The following RAB28 variants were observed in gnomAD, a reference collection of about 807,000 sequenced individuals.
RAB28 encodes the protein RAB28, member RAS oncogene family.
RAB28 carries 24 observed loss-of-function variants against 31.7 expected under a neutral mutation model. The ratio of observed to expected loss-of-function variants is 0.76; its 90% CI spans 0.55 to 1.06. RAB28 has a LOEUF of 1.06. Ranked by LOEUF, RAB28 falls within the 50% of genes least tolerant of loss-of-function variation. The pLI is 0.00. For missense variants in RAB28, 254 were observed against 258.5 expected, an observed-to-expected ratio of 0.98 and a Z score of 0.12; for synonymous variants, 100 against 90.4, an observed-to-expected ratio of 1.11 and a Z score of -0.60.
intron 4 of RAB28, among the ~76,000 whole-genome samples, chr4:13,398,412 C>T (rs929810476): frequency 2.0e-5 from 3 of 151,902 alleles, no homozygotes; most frequent in Non-Finnish European, 4.4e-5. Flanking sequence ...CATAGAATTG[C>T]ATAAAAAAAA....
At chr4:13,448,340 T>C (rs1339188859) in intron 4 of RAB28, among the ~76,000 whole-genome samples, 4 of 152,094 alleles carry the variant, frequency 2.6e-5, no homozygotes, top group Non-Finnish European at 5.9e-5. Context: ...ATAAGATGAA[T>C]TATGCTTTTA....
chr4:13,479,398 A>G (rs1000363467), intron 2 of RAB28, 32 bp downstream of exon 2: 1 of 1,471,856 alleles, frequency 6.8e-7, no homozygotes, highest in Non-Finnish European at 9.4e-7. Flanking sequence ...TTTTTTTATA[A>G]TCTTCTACGT....
intron 4 of RAB28, among the ~76,000 whole-genome samples, chr4:13,412,753 G>C (rs1171882242): frequency 6.6e-6 from 1 of 152,084 alleles, no homozygotes; most frequent in Non-Finnish European, 1.5e-5. Flanking sequence ...GCAAATGAAA[G>C]TTGTGACTAA....
At chr4:13,407,300 A>G (rs555800726) in intron 4 of RAB28, among the ~76,000 whole-genome samples, 1 of 152,330 alleles carries the variant, frequency 6.6e-6, no homozygotes, top group South Asian at 2.1e-4. Context: ...CAGGTTTCTC[A>G]AAGATCAGAT....
chr4:13,484,137 T>C lies in RAB28; in HGVS notation c.14A>G (p.Glu5Gly), dbSNP rs2108982206. 6.3e-7 allele frequency: 1 copy of C among 1,590,726 alleles called. No homozygotes were observed. The highest frequency in any genetic ancestry group is 8.6e-7 in the Non-Finnish European group (1 of 1,168,636). MSDS[E>G]EESQDRQLKI... ...CAGTTGCCGGTCCTGGCTCTCCTCC[T>C]CAGAGTCCGACATGGTGTCCCGGGA... The change falls in exon 1 of 7, where the codon GAG becomes GGG. Residue 5 changes from glutamate to glycine, a missense_variant. Physicochemically the swap from Glu to Gly is moderately conservative, Grantham distance 98. Transcript: ENST00000330852.
chr4:13,390,607 T>C (rs1336403074), intron 4 of RAB28, among the ~76,000 whole-genome samples: 4 of 141,298 alleles, frequency 2.8e-5, no homozygotes, highest in South Asian at 2.2e-4. Context: ...AAAGCCTGCA[T>C]GCAAAAAGAA....
intron 4 of RAB28, among the ~76,000 whole-genome samples, chr4:13,447,166 C>A (rs1714743419): frequency 6.6e-6 from 1 of 152,152 alleles, no homozygotes; most frequent in East Asian, 1.9e-4. Context: ...CGAAAGCCTC[C>A]TATCTGGTCT....
intron 3 of RAB28, among the ~76,000 whole-genome samples, chr4:13,461,793 C>A (rs79278940): frequency 0.037 from 5,678 of 152,230 alleles, 164 homozygotes; most frequent in Non-Finnish European, 0.061. Flanking sequence ...AGCCCGGACC[C>A]TAATGGCATT....
At chr4:13,387,338 T>C (rs1004178131) in intron 4 of RAB28, among the ~76,000 whole-genome samples, 5 of 152,086 alleles carry the variant, frequency 3.3e-5, no homozygotes, top group Non-Finnish European at 5.9e-5. Flanking sequence ...ATCTCACATG[T>C]AATCAAATAG....
In RAB28 at chr4:13,484,258, G is replaced by A; in HGVS notation, c.-108C>T. The A allele has an allele frequency of 2.4e-6, 2 of 828,590 alleles. No homozygotes were observed. The highest frequency in any genetic ancestry group is 2.0e-6 in the Non-Finnish European group (1 of 498,464). 51.3% of individuals were successfully genotyped at this position (828,590 alleles called of 1,614,324 possible). A position where few individuals can be genotyped will look rare whatever the true frequency, so the allele number is the denominator to read the frequency against. Reference sequence around the variant, plus strand: ...GGGAGGTAGTTGCGGCAGGACCCCCGCCCCGGTGTCTCCGCGCCGGCAGGA... The same window carrying A: ...GGGAGGTAGTTGCGGCAGGACCCCCACCCCGGTGTCTCCGCGCCGGCAGGA... On this transcript the variant is annotated 5_prime_UTR_variant, in exon 1 of 7. Coordinates refer to ENST00000330852, the MANE Select transcript of RAB28 (RefSeq NM_001017979.3).
At chr4:13,414,834 A>G (rs1328744407) in intron 4 of RAB28, among the ~76,000 whole-genome samples, 1 of 152,252 alleles carries the variant, frequency 6.6e-6, no homozygotes, top group Non-Finnish European at 1.5e-5. Flanking sequence ...AAAACATCAT[A>G]TATGCCTTCA....
chr4:13,392,259 T>A (rs10001262), intron 4 of RAB28, among the ~76,000 whole-genome samples: 1 of 152,106 alleles, frequency 6.6e-6, no homozygotes, highest in Non-Finnish European at 1.5e-5. Context: ...CAGATTTTGA[T>A]GAGTAACAGG....
At chr4:13,461,727 T>C (rs1347780507) in intron 3 of RAB28, among the ~76,000 whole-genome samples, 1 of 152,210 alleles carries the variant, frequency 6.6e-6, no homozygotes, top group African/African-American at 2.4e-5. Context: ...ACCACATTCT[T>C]GATTCTCATC....
intron 1 of RAB28, among the ~76,000 whole-genome samples, chr4:13,483,584 T>C (rs1577257905): frequency 6.6e-6 from 1 of 152,310 alleles, no homozygotes. Flanking sequence ...AAGCTTAAAC[T>C]GATTAGCAAT....
rs149018652 is a variant in RAB28, at chr4:13,437,008, T to C, written c.391+23691A>G. Among the ~76,000 whole-genome samples the C allele has an allele frequency of 3.1e-3, 468 of 152,124 alleles. 4 individuals carry two copies. Among genetic ancestry groups the C allele is most frequent in the African/African-American group, 0.011 (436 of 41,518 alleles). On this transcript the variant is annotated intron_variant, in intron 4 of 6. Coordinates refer to ENST00000330852, the MANE Select transcript of RAB28 (RefSeq NM_001017979.3). ...AAACAGCATGGTACTGGTTAACAAATAGACACATAGACCAATTGAACAAAA... is the reference window on the plus strand; with the variant it reads ...AAACAGCATGGTACTGGTTAACAAACAGACACATAGACCAATTGAACAAAA...
At chr4:13,413,046 G>A (rs1459474809) in intron 4 of RAB28, among the ~76,000 whole-genome samples, 1 of 151,698 alleles carries the variant, frequency 6.6e-6, no homozygotes, top group Non-Finnish European at 1.5e-5. Flanking sequence ...TAGAAGACAA[G>A]CAAATATCTA....
chr4:13,415,888 G>T (rs536795876), intron 4 of RAB28, among the ~76,000 whole-genome samples: 5 of 152,224 alleles, frequency 3.3e-5, no homozygotes, highest in East Asian at 1.9e-4. Context: ...CTAGCTAGGG[G>T]ATTGTAAATA....
rs1035868672 is a variant in RAB28, at chr4:13,370,120, C to T, written c.574-1470G>A. ...AATGTAAACATGTCTCACACACACA[C>T]GCACACACAAACAGCAGAATGTACA... On this transcript the variant is annotated intron_variant, in intron 6 of 6. Transcript: ENST00000330852. The T allele has an allele frequency of 1.5e-5, 15 of 977,170 alleles. No homozygotes were observed. In the South Asian group the frequency reaches 2.8e-4, roughly 18 times the overall value. 60.5% of individuals were successfully genotyped at this position (977,170 alleles called of 1,614,324 possible).
chr4:13,484,158 C>G lies in RAB28; in HGVS notation c.-8G>C. 1.3e-6 allele frequency: 2 copies of G among 1,575,942 alleles called. No individual in the cohort carries two copies. The highest frequency in any genetic ancestry group is 2.3e-5 in the East Asian group (1 of 42,804). ...CTCCTCAGAGTCCGACATGGTGTCCCGGGAACCAGGCCCGCCCCTCGAGGT... is the reference window on the plus strand; with the variant it reads ...CTCCTCAGAGTCCGACATGGTGTCCGGGGAACCAGGCCCGCCCCTCGAGGT... On this transcript the variant is annotated 5_prime_UTR_variant, in exon 1 of 7. Transcript: ENST00000330852.
Sources: allele counts gnomAD v4.1 joint callset (sites outside exome capture counted in the v4.1 genomes callset), GRCh38; gene constraint gnomAD v4.1.1; transcripts MANE v1.5; gene names NCBI Gene and HGNC (gene_info 2026-07-23, HGNC 2026-07-21).